Variants in IWS1 observed in about 807,000 individuals in gnomAD.
IWS1 encodes the protein interacts with SUPT6H, CTD assembly factor 1, also known as protein IWS1 homolog.
In IWS1, 27 loss-of-function variants were observed where a neutral mutation model predicts 86.7. The ratio of observed to expected loss-of-function variants is 0.31; its 90% CI spans 0.23 to 0.43. The LOEUF is 0.43. Among genes scored for constraint, IWS1 ranks in the 20% least tolerant of loss-of-function variants. The pLI, the probability that IWS1 is intolerant of heterozygous loss-of-function variation, is 1.00. For missense variants in IWS1, 827 were observed against 1,000.8 expected, an observed-to-expected ratio of 0.83 and a Z score of 2.34; for synonymous variants, 313 against 335.1, an observed-to-expected ratio of 0.93 and a Z score of 0.72.
intron 2 of IWS1, among the ~76,000 whole-genome samples, chr2:127,522,068 C>T (rs1293552171): frequency 1.3e-5 from 2 of 152,130 alleles, no homozygotes; most frequent in Non-Finnish European, 2.9e-5. Context: ...TGTTTAAAAG[C>T]ACAGAAAAAA....
intron 2 of IWS1, among the ~76,000 whole-genome samples, chr2:127,521,441 C>T (rs994779482): frequency 1.3e-5 from 2 of 152,108 alleles, no homozygotes; most frequent in African/African-American, 4.8e-5. Flanking sequence ...GCAGGAGTGC[C>T]TCAACTTATT....
rs1237093020 is a variant in IWS1 at position 127,499,451 on chromosome 2, GT to G, written c.1468-1215del. 6.6e-5 allele frequency among the ~76,000 whole-genome samples: 10 copies of G among 152,204 alleles called. No individual in the cohort carries two copies. The highest frequency in any genetic ancestry group is 1.2e-4 in the Non-Finnish European group (8 of 67,990). On this transcript the variant is annotated intron_variant, in intron 5 of 13. Transcript: ENST00000295321. This position sits in a 1 kb window ranked among gnomAD's most constrained non-coding sequence, Gnocchi z 4.0. ...TTTCTTTATAGTGTCTACCTTTTGT[GT>G]TATACTTAGAGGCTTTCTCAATGGT...
chr2:127,523,369 C>T (rs192414604), intron 2 of IWS1, among the ~76,000 whole-genome samples: 5 of 152,288 alleles, frequency 3.3e-5, no homozygotes, highest in Admixed American at 1.3e-4. Context: ...CCCACTATGA[C>T]ATTATTGCAG....
At chr2:127,491,601 G>A (rs1329304132) in intron 10 of IWS1, among the ~76,000 whole-genome samples, 1 of 152,028 alleles carries the variant, frequency 6.6e-6, no homozygotes, top group East Asian at 1.9e-4. Context: ...ATACCACCAT[G>A]CCCGGCTAAT....
At chr2:127,498,338 A>C in intron 5 of IWS1, 101 bp from the exon 6 acceptor site, 1 of 1,079,860 alleles carries the variant, frequency 9.3e-7, no homozygotes, top group Non-Finnish European at 1.3e-6. Flanking sequence ...AAGAACAAAA[A>C]TTCAATAGAT....
At chr2:127,525,871 ACT>A (rs1242016390) in intron 1 of IWS1, among the ~76,000 whole-genome samples, 2 of 152,154 alleles carry the variant, frequency 1.3e-5, no homozygotes, top group African/African-American at 4.8e-5. Context: ...ACTACTGAAA[ACT>A]CTCTTAACAG....
At chr2:127,521,725 C>G (rs189165379) in intron 2 of IWS1, among the ~76,000 whole-genome samples, 17 of 152,266 alleles carry the variant, frequency 1.1e-4, no homozygotes, top group Admixed American at 9.2e-4. Flanking sequence ...ACAGCACTTG[C>G]AACATCGCAA....
At chr2:127,486,767 A>C (rs1689952369) in intron 12 of IWS1, 103 bp from the exon 13 acceptor site, 3 of 885,246 alleles carry the variant, frequency 3.4e-6, no homozygotes, top group Admixed American at 2.0e-5. Context: ...ATTAAGCTGC[A>C]ATGTTCGAAA....
chr2:127,491,826 C>A, intron 10 of IWS1, 145 bp downstream of exon 10: 1 of 605,214 alleles, frequency 1.7e-6, no homozygotes, highest in Non-Finnish European at 3.0e-6. Context: ...AATGCTAGTA[C>A]CTGTAAGAAG....
intron 3 of IWS1, 84 bp downstream of exon 3, chr2:127,504,599 CA>C: frequency 1.1e-6 from 1 of 944,552 alleles, no homozygotes; most frequent in Non-Finnish European, 1.6e-6. Flanking sequence ...ACAGATCTGA[CA>C]TACCAAGAGG....
At chr2:127,500,121 A>G (rs1690724747) in intron 5 of IWS1, among the ~76,000 whole-genome samples, 1 of 152,214 alleles carries the variant, frequency 6.6e-6, no homozygotes, top group South Asian at 2.1e-4. Flanking sequence ...CCTATGTTAA[A>G]ATTAAGCACT....
intron 13 of IWS1, among the ~76,000 whole-genome samples, chr2:127,481,681 T>G (rs1048400384): frequency 1.3e-5 from 2 of 152,160 alleles, no homozygotes; most frequent in African/African-American, 4.8e-5. Context: ...CAGGAGCTCT[T>G]GAGTTTTTAC....
rs149506330 is a variant in IWS1, at chr2:127,494,190, T to C, written c.1799+682A>G. ...GGGGTGTTGAGACGGGAAGATCGGC[T>C]GAGCCCAGGAGTTCGAGACCAGCCT... On this transcript the variant is annotated intron_variant, in intron 8 of 13. Coordinates refer to ENST00000295321, the MANE Select transcript of IWS1 (RefSeq NM_017969.3). 7.7e-3 allele frequency among the ~76,000 whole-genome samples: 1,120 copies of C among 146,002 alleles called. 9 individuals carry two copies. The highest frequency in any genetic ancestry group is 0.014 in the Admixed American group (191 of 14,048).
chr2:127,513,207 T>C (rs1691565976), intron 2 of IWS1, among the ~76,000 whole-genome samples: 1 of 152,170 alleles, frequency 6.6e-6, no homozygotes, highest in South Asian at 2.1e-4. Flanking sequence ...CACCACTGCA[T>C]TCCAGCCTGG....
At chr2:127,510,740 G>A (rs1470458887) in intron 2 of IWS1, among the ~76,000 whole-genome samples, 1 of 151,886 alleles carries the variant, frequency 6.6e-6, no homozygotes, top group Non-Finnish European at 1.5e-5. Context: ...TTCCGCCTTG[G>A]CCTCCCAACC....
intron 6 of IWS1, among the ~76,000 whole-genome samples, chr2:127,497,110 CTGT>C (rs67525755): frequency 0.5 from 76,550 of 151,686 alleles, 21,157 homozygotes; most frequent in Admixed American, 0.66. Flanking sequence ...GAATATATCC[CTGT>C]TGTTAAGCGA....
Position 127,504,751 on chromosome 2 carries a change from A to G in IWS1, c.1152T>C (p.Gly384=), listed in dbSNP as rs762150358. Residue 384 remains glycine (G), a synonymous_variant, in exon 3 of 14, where the codon GGT becomes GGC. Coordinates refer to ENST00000295321, the MANE Select transcript of IWS1 (RefSeq NM_017969.3). ...KMDSDEDEKE[G]EEEKVAKRKA... ...TTCTCTTCGCTACTTTCTCCTCCTCACCCTCTTTTTCATCTTCATCACTGT... is the reference window on the plus strand; with the variant it reads ...TTCTCTTCGCTACTTTCTCCTCCTCGCCCTCTTTTTCATCTTCATCACTGT... 1.2e-6 allele frequency: 2 copies of G among 1,613,102 alleles called. No homozygotes were observed. The highest frequency in any genetic ancestry group is 1.3e-5 in the African/African-American group (1 of 74,576).
chr2:127,503,701 T>TAAATAAATA lies in IWS1; in HGVS notation c.1220-126_1220-125insTATTTATTT, dbSNP rs1395146990. On this transcript the variant is annotated intron_variant, in intron 3 of 13. Coordinates refer to ENST00000295321, the MANE Select transcript of IWS1 (RefSeq NM_017969.3). Reference sequence around the variant, plus strand: ...ATAAATAAATAAATAAATAAATAAATAAATAAAATAAAATCAGAGGGCCTC... The same window carrying TAAATAAATA: ...ATAAATAAATAAATAAATAAATAAATAAATAAATAAAATAAAATAAAATCAGAGGGCCTC... The TAAATAAATA allele has an allele frequency of 3.0e-3, 966 of 326,128 alleles. 18 individuals carry two copies. The highest frequency in any genetic ancestry group is 0.024 in the African/African-American group (904 of 36,906). 20.2% of individuals were successfully genotyped at this position (326,128 alleles called of 1,614,324 possible).
intron 5 of IWS1, chr2:127,498,822 A>T (rs1218625908): frequency 2.0e-5 from 3 of 152,216 alleles, no homozygotes; most frequent in African/African-American, 4.8e-5. Context: ...TGGAAAAACA[A>T]ATCTCAGGGT....
Sources: gnomAD v4.1 joint callset for allele counts (sites outside exome capture counted in the v4.1 genomes callset) on GRCh38, gnomAD v4.1.1 for gene constraint, Gnocchi (gnomAD v3.1) non-coding constraint, MANE v1.5 for transcripts, NCBI Gene and HGNC (gene_info 2026-07-23, HGNC 2026-07-21) for gene names.